Variants in GARRE1 observed in about 807,000 individuals in gnomAD.
GARRE1 encodes granule associated Rac and RHOG effector protein 1.
A neutral mutation model predicts 103.2 loss-of-function variants in GARRE1; 49 were observed. The observed-to-expected ratio is 0.47, with a 90% CI of 0.38 to 0.60. GARRE1 has a LOEUF of 0.60. Among genes scored for constraint, GARRE1 ranks in the 20% least tolerant of loss-of-function variants. The probability of loss-of-function intolerance (pLI) is 0.00; values close to 1 mark genes in which losing one functional copy is unlikely to be tolerated. For synonymous variants in GARRE1, 505 were observed against 532.8 expected (o/e 0.95, Z 0.72); for missense variants, 1,199 against 1,370.5 (o/e 0.87, Z 1.98).
chr19:34,336,228 C>T (rs1457160721), intron 8 of GARRE1, among the ~76,000 whole-genome samples: 4 of 151,896 alleles, frequency 2.6e-5, no homozygotes, highest in South Asian at 4.2e-4. Flanking sequence ...TGGGCTCAAG[C>T]GATCCCCCTG....
intron 1 of GARRE1, among the ~76,000 whole-genome samples, chr19:34,258,550 C>T (rs779476205): frequency 2.6e-5 from 4 of 151,970 alleles, no homozygotes; most frequent in Admixed American, 2.0e-4. Context: ...TTTGGGAGGC[C>T]GAGGTGAGCG....
In GARRE1 at chr19:34,320,057, G is replaced by A. The variant is rs1214896407; in HGVS notation, c.646G>A (p.Gly216Ser). Residue 216 changes from glycine to serine, a missense_variant, in exon 3 of 14, where the codon GGC (glycine) becomes AGC (serine). Gly to Ser is a moderately conservative substitution (Grantham distance 56). Coordinates refer to ENST00000299505, the MANE Select transcript of GARRE1 (RefSeq NM_014686.5). ...CAGCGGCAGTGGCGGCGGCTTATCTGGCATGGGCCACACACCTGAAGTAGA... is the reference window on the plus strand; with the variant it reads ...CAGCGGCAGTGGCGGCGGCTTATCTAGCATGGGCCACACACCTGAAGTAGA... ...KNSGSGGGLS[G>S]MGHTPEVEEA... The A allele has an allele frequency of 6.2e-7, 1 of 1,614,250 alleles. No homozygotes were observed. Among genetic ancestry groups the A allele is most frequent in the Non-Finnish European group, 8.5e-7 (1 of 1,180,048 alleles).
chr19:34,329,313 C>G (rs2074126765), intron 6 of GARRE1, among the ~76,000 whole-genome samples: 2 of 152,202 alleles, frequency 1.3e-5, no homozygotes, highest in South Asian at 4.1e-4. Flanking sequence ...TTACTTGTAT[C>G]AGATGATTTT....
intron 1 of GARRE1, among the ~76,000 whole-genome samples, chr19:34,274,848 G>T (rs937056542): frequency 7.2e-5 from 11 of 152,172 alleles, no homozygotes; most frequent in Admixed American, 4.6e-4. Flanking sequence ...ACAGATAGAG[G>T]GAGCTAAAAA....
chr19:34,319,823 A>G (rs2074076866), intron 2 of GARRE1, 84 bp from the exon 3 acceptor site: 15 of 1,127,616 alleles, frequency 1.3e-5, no homozygotes, highest in Non-Finnish European at 1.8e-5. Context: ...TATTGCTTCT[A>G]TTCAAGTTGG....
At chr19:34,299,235 C>T (rs1327210863) in intron 1 of GARRE1, among the ~76,000 whole-genome samples, 5 of 152,172 alleles carry the variant, frequency 3.3e-5, no homozygotes, top group Non-Finnish European at 5.9e-5. Context: ...TTTTTCGTAA[C>T]AACCTTTTTG....
Position 34,327,927 on chromosome 19 carries a change from A to G in GARRE1, c.942+61A>G, listed in dbSNP as rs59405414. On this transcript the variant is annotated intron_variant, in intron 5 of 13. Transcript: ENST00000299505. ...GGCGCTGCTCCTGCAGTCTAGTGTG[A>G]ACCAAGTGTTTTGACAGATGAGCGA... 2.0e-3 allele frequency: 3,170 copies of G among 1,613,516 alleles called. 56 individuals carry two copies. The African/African-American group carries it at 0.038, about 19-fold the overall frequency.
intron 1 of GARRE1, among the ~76,000 whole-genome samples, chr19:34,259,226 T>C (rs777058873): frequency 1.4e-4 from 22 of 152,242 alleles, no homozygotes; most frequent in Non-Finnish European, 2.9e-4. Flanking sequence ...GTCCTGTCCT[T>C]CCTGACTCTT....
chr19:34,258,154 C>G (rs766514988), intron 1 of GARRE1, among the ~76,000 whole-genome samples: 1 of 152,038 alleles, frequency 6.6e-6, no homozygotes, highest in Non-Finnish European at 1.5e-5. Context: ...CGTGAGACAC[C>G]ACGCTTGGCC....
chr19:34,256,315 C>G (rs2073672595), intron 1 of GARRE1, among the ~76,000 whole-genome samples: 1 of 151,302 alleles, frequency 6.6e-6, no homozygotes, highest in Non-Finnish European at 1.5e-5. Flanking sequence ...AGTTCTAGAC[C>G]AGCCTGGCCA....
chr19:34,307,792 T>TA lies in GARRE1; in HGVS notation c.495+6834dup, dbSNP rs148017219. ...TATATACTATAAAATATATATACTA[T>TA]AAAAAAAAAATATATATATATATTT... On this transcript the variant is annotated intron_variant, in intron 2 of 13. Coordinates refer to ENST00000299505, the MANE Select transcript of GARRE1 (RefSeq NM_014686.5). Among the ~76,000 whole-genome samples, 235 of 109,068 alleles carry TA rather than the reference T, an allele frequency of 2.2e-3. 7 individuals carry two copies. Among genetic ancestry groups the TA allele is most frequent in the African/African-American group, 7.2e-3 (222 of 30,758 alleles). The allele number at this position is 109,068 out of a possible 152,430, so 71.6% of individuals were successfully genotyped here.
intron 3 of GARRE1, among the ~76,000 whole-genome samples, chr19:34,322,762 A>G (rs1568306250): frequency 6.6e-6 from 1 of 150,768 alleles, no homozygotes; most frequent in Non-Finnish European, 1.5e-5. Flanking sequence ...TAATTTTTGT[A>G]TTTTTAGTAG....
At position 34,293,715 on chromosome 19, in the gene GARRE1, A is replaced by AACACACACACACACACACACACACAC. The variant is rs146336774; in HGVS notation, c.-795-5960_-795-5935dup. 9.0e-3 allele frequency among the ~76,000 whole-genome samples: 909 copies of AACACACACACACACACACACACACAC among 100,478 alleles called. 43 individuals carry two copies. Among genetic ancestry groups the AACACACACACACACACACACACACAC allele is most frequent in the African/African-American group, 0.038 (849 of 22,490 alleles). 65.9% of individuals were successfully genotyped at this position (100,478 alleles called of 152,430 possible). A position where few individuals can be genotyped will look rare whatever the true frequency, so the allele number is the denominator to read the frequency against. ...CAACCTCTTGAAGCATAAACATATA[A>AACACACACACACACACACACACACAC]ACACACACACACACACACACACACA... is the stretch of plus-strand genomic sequence containing the variant. On this transcript the variant is annotated intron_variant, in intron 1 of 13. Coordinates refer to ENST00000299505, the MANE Select transcript of GARRE1 (RefSeq NM_014686.5).
At chr19:34,321,626 G>T (rs2074089515) in intron 3 of GARRE1, among the ~76,000 whole-genome samples, 1 of 151,840 alleles carries the variant, frequency 6.6e-6, no homozygotes, top group Non-Finnish European at 1.5e-5. Flanking sequence ...GCTAATTTTT[G>T]TATTTTAGCC....
intron 2 of GARRE1, among the ~76,000 whole-genome samples, chr19:34,307,185 G>A (rs1180213582): frequency 6.6e-6 from 1 of 152,114 alleles, no homozygotes; most frequent in East Asian, 1.9e-4. Context: ...GTTCTGAGTA[G>A]CCAGGTAGGA....
intron 7 of GARRE1, 37 bp downstream of exon 7, chr19:34,330,384 C>T: frequency 6.2e-7 from 1 of 1,601,426 alleles, no homozygotes; most frequent in Non-Finnish European, 8.6e-7. Context: ...AGGTAGAATA[C>T]CAAGATGTTT....
At chr19:34,311,205 T>G (rs1401627277) in intron 2 of GARRE1, among the ~76,000 whole-genome samples, 1 of 152,114 alleles carries the variant, frequency 6.6e-6, no homozygotes, top group African/African-American at 2.4e-5. Flanking sequence ...TTGCCCAAGC[T>G]GCCATTTTTT....
rs1407585027 is a variant in GARRE1, at chr19:34,263,301, T to TAG, written c.-796+8688_-796+8689insGA. On this transcript the variant is annotated intron_variant, in intron 1 of 13. Transcript: ENST00000299505. ...ATAGATAGATAGATAGATAGATAGA[T>TAG]ATACATGAAATAGGTTTATAAGTGC... is the stretch of plus-strand genomic sequence containing the variant. Among the ~76,000 whole-genome samples, 18 of 151,640 alleles carry TAG rather than the reference T, an allele frequency of 1.2e-4. No individual in the cohort carries two copies. The East Asian group carries it at 1.5e-3, about 13-fold the overall frequency.
intron 9 of GARRE1, 108 bp downstream of exon 9, chr19:34,340,100 G>A (rs139810249): frequency 1.7e-6 from 2 of 1,182,052 alleles, no homozygotes; most frequent in East Asian, 2.4e-5. Flanking sequence ...AAAGAAGGCA[G>A]TAAGGACTTT....
Sources: allele counts gnomAD v4.1 joint callset (sites outside exome capture counted in the v4.1 genomes callset), GRCh38; gene constraint gnomAD v4.1.1; transcripts MANE v1.5; gene names NCBI Gene and HGNC (gene_info 2026-07-23, HGNC 2026-07-21).